Variants in ATRNL1 observed in about 807,000 individuals in gnomAD.
The protein encoded by ATRNL1 is attractin like 1.
In ATRNL1, 95 loss-of-function variants were observed where a neutral mutation model predicts 182.7. The observed-to-expected ratio is 0.52, with a 90% CI of 0.44 to 0.62. ATRNL1 has a LOEUF of 0.62. Ranked by LOEUF, ATRNL1 falls within the 20% of genes least tolerant of loss-of-function variation. The pLI, the probability that ATRNL1 is intolerant of heterozygous loss-of-function variation, is 0.00. For missense variants in ATRNL1, 1,471 were observed against 1,679.5 expected, an observed-to-expected ratio of 0.88 and a Z score of 2.17; for synonymous variants, 576 against 568.3, an observed-to-expected ratio of 1.01 and a Z score of -0.19.
intron 18 of ATRNL1, among the ~76,000 whole-genome samples, chr10:115,318,341 A>G (rs1854410449): frequency 6.6e-6 from 1 of 152,112 alleles, no homozygotes; most frequent in Admixed American, 6.6e-5. Flanking sequence ...GAAACGGGCC[A>G]GAATTTTCTT....
At chr10:115,486,803 GT>G (rs1282814057) in intron 24 of ATRNL1, among the ~76,000 whole-genome samples, 1 of 152,056 alleles carries the variant, frequency 6.6e-6, no homozygotes, top group Admixed American at 6.6e-5. Context: ...TTAGTCATGA[GT>G]CTTTGCCCAT....
chr10:115,827,991 A>G (rs868995064), intron 27 of ATRNL1, among the ~76,000 whole-genome samples: 1 of 151,954 alleles, frequency 6.6e-6, no homozygotes, highest in African/African-American at 2.4e-5. Context: ...AAAGGCCCCA[A>G]CTCACATGGA....
intron 27 of ATRNL1, among the ~76,000 whole-genome samples, chr10:115,823,596 A>G (rs1555091116): frequency 6.6e-6 from 1 of 152,100 alleles, no homozygotes; most frequent in East Asian, 1.9e-4. Context: ...GATACAAAAT[A>G]AATGTACAAA....
At chr10:115,266,443 TA>T (rs552078476) in intron 11 of ATRNL1, among the ~76,000 whole-genome samples, 182 of 151,676 alleles carry the variant, frequency 1.2e-3, no homozygotes, top group African/African-American at 4.1e-3. Flanking sequence ...TCTATATTAT[TA>T]AAAAAATACT....
At position 115,135,007 on chromosome 10, in the gene ATRNL1, A is replaced by C. The variant is rs191871201; in HGVS notation, c.829+5472A>C. On this transcript the variant is annotated intron_variant, in intron 5 of 28. Coordinates refer to ENST00000355044, the MANE Select transcript of ATRNL1 (RefSeq NM_207303.4). The stretch of plus-strand genomic sequence containing the variant: ...ACAGCCCTTCATGCTAAAAACTCTC[A>C]ATAAATTCGGTATTGATGGGATGTA... Among the ~76,000 whole-genome samples, 15 of 152,050 alleles carry C rather than the reference A, an allele frequency of 9.9e-5. No homozygotes were observed. The East Asian group carries it at 2.9e-3, about 29-fold the overall frequency.
intron 27 of ATRNL1, among the ~76,000 whole-genome samples, chr10:115,843,477 A>G (rs1388169707): frequency 1.3e-5 from 2 of 152,056 alleles, no homozygotes; most frequent in African/African-American, 4.8e-5. Flanking sequence ...GGCTTTATAG[A>G]TGAAGTGACA....
chr10:115,098,775 A>G (rs1334037859), intron 1 of ATRNL1, among the ~76,000 whole-genome samples: 1 of 151,988 alleles, frequency 6.6e-6, no homozygotes, highest in Non-Finnish European at 1.5e-5. Flanking sequence ...ACTAGTTTCT[A>G]AAGGAGGCTT....
chr10:115,389,584 ATATATATTTCATCCAATGATGGACACC>A (rs1564990315), intron 19 of ATRNL1, among the ~76,000 whole-genome samples: 2 of 97,464 alleles, frequency 2.1e-5, no homozygotes, highest in African/African-American at 8.1e-5. Context: ...ATATATATAT[ATATATATTTCATCCAATGATGGACACC>A]TAGGTTGCAT....
intron 26 of ATRNL1, among the ~76,000 whole-genome samples, chr10:115,615,668 C>T (rs1857390735): frequency 6.6e-6 from 1 of 152,068 alleles, no homozygotes; most frequent in Non-Finnish European, 1.5e-5. Context: ...ATAGTGAGTA[C>T]TCACGAGATC....
intron 21 of ATRNL1, among the ~76,000 whole-genome samples, chr10:115,445,264 A>G (rs1554966431): frequency 6.6e-6 from 1 of 150,390 alleles, no homozygotes; most frequent in Non-Finnish European, 1.5e-5. Context: ...CCCCATCTCT[A>G]CTAAAAATAC....
intron 27 of ATRNL1, among the ~76,000 whole-genome samples, chr10:115,791,558 T>G (rs1313467641): frequency 6.6e-6 from 1 of 152,290 alleles, no homozygotes; most frequent in East Asian, 1.9e-4. Context: ...AATACAGACT[T>G]TAGTCATTTA....
chr10:115,255,936 T>C (rs535307140), intron 10 of ATRNL1, among the ~76,000 whole-genome samples: 3 of 152,254 alleles, frequency 2.0e-5, no homozygotes, highest in South Asian at 4.1e-4. Context: ...TTATGGATTA[T>C]GTTTATTGAT....
At chr10:115,183,100 C>T (rs1363536047) in intron 8 of ATRNL1, among the ~76,000 whole-genome samples, 3 of 151,012 alleles carry the variant, frequency 2.0e-5, no homozygotes, top group Non-Finnish European at 4.5e-5. Flanking sequence ...AAATAAACAC[C>T]TGAATATTAA....
chr10:115,108,847 C>A (rs1844136859), intron 1 of ATRNL1, among the ~76,000 whole-genome samples: 2 of 152,302 alleles, frequency 1.3e-5, no homozygotes, highest in Non-Finnish European at 1.5e-5. Flanking sequence ...TCCTTTCTAA[C>A]TCCCATTATA....
chr10:115,561,241 T>C (rs1012223414), intron 26 of ATRNL1, among the ~76,000 whole-genome samples: 2 of 152,208 alleles, frequency 1.3e-5, no homozygotes, highest in Admixed American at 6.5e-5. Context: ...GCATATCATA[T>C]ATCTGATAAG....
At chr10:115,273,110 A>G (rs1554913772) in intron 13 of ATRNL1, among the ~76,000 whole-genome samples, 2 of 152,042 alleles carry the variant, frequency 1.3e-5, no homozygotes, top group Non-Finnish European at 2.9e-5. Context: ...TCAGGAGCTC[A>G]GTGTTGGTTT....
intron 3 of ATRNL1, among the ~76,000 whole-genome samples, chr10:115,125,714 A>G (rs558833647): frequency 7.9e-5 from 12 of 152,158 alleles, no homozygotes; most frequent in Non-Finnish European, 1.3e-4. Context: ...AACTTTAGGT[A>G]GTTTGCTTTC....
chr10:115,668,590 AG>A (rs781940860), intron 26 of ATRNL1, among the ~76,000 whole-genome samples: 1 of 152,166 alleles, frequency 6.6e-6, no homozygotes, highest in Non-Finnish European at 1.5e-5. Flanking sequence ...TGCAACCTCC[AG>A]TGACCAGACC....
chr10:115,470,249 G>A (rs1406587912), intron 24 of ATRNL1, among the ~76,000 whole-genome samples: 3 of 150,132 alleles, frequency 2.0e-5, no homozygotes, highest in African/African-American at 7.3e-5. Context: ...TTATTTTTAA[G>A]GTTGATGTAA....
Sources: allele counts gnomAD v4.1 joint callset (sites outside exome capture counted in the v4.1 genomes callset), GRCh38; gene constraint gnomAD v4.1.1; transcripts MANE v1.5; gene names NCBI Gene and HGNC (gene_info 2026-07-23, HGNC 2026-07-21).